The following CDHR1 variants were observed in gnomAD, a reference collection of about 807,000 sequenced individuals.
CDHR1 encodes cadherin-related family member 1.
CDHR1 carries 61 observed loss-of-function variants against 72.1 expected under a neutral mutation model. That is an observed-to-expected ratio of 0.85 (90% CI 0.69 to 1.05). The LOEUF is 1.05. Among genes scored for constraint, CDHR1 ranks in the 50% least tolerant of loss-of-function variants. CDHR1 has a pLI of 0.00. For synonymous variants in CDHR1, 470 were observed against 448.1 expected (o/e 1.05, Z -0.62); for missense variants, 1,186 against 1,115.7 (o/e 1.06, Z -0.90).
downstream of CDHR1, chr10:84,219,506 A>G (rs546657868): frequency 1.0e-4 from 57 of 545,574 alleles, 1 homozygote; most frequent in South Asian, 2.7e-3. Context: ...TCTCACCTTC[A>G]TGGTAGCCCA....
rs747388076 is a variant in CDHR1, at chr10:84,203,104, T to A, written c.764T>A (p.Val255Glu). 15 of 1,614,104 alleles carry A rather than the reference T, an allele frequency of 9.3e-6. No homozygotes were observed. Among genetic ancestry groups the A allele is most frequent in the Middle Eastern group, 1.6e-4 (1 of 6,084 alleles). The change falls in exon 8 of 17, where the codon GTG (valine) becomes GAG (glutamate). Residue 255 changes from valine to glutamate, a missense_variant. Coordinates refer to ENST00000623527, the MANE Select transcript of CDHR1 (RefSeq NM_033100.4). ...VFVGTPYYGY[V>E]YEDTLPGSEV... is the part of the protein sequence containing the mutation. ...GTGGGCACACCCTACTATGGCTATGTGTACGAGGACACCCTTCCGGTGGGT... is the reference window on the plus strand; with the variant it reads ...GTGGGCACACCCTACTATGGCTATGAGTACGAGGACACCCTTCCGGTGGGT...
Position 84,213,084 on chromosome 10 carries a change from C to G in CDHR1, c.1783-7C>G, listed in dbSNP as rs143468750. On this transcript the variant is annotated splice_region_variant and splice_polypyrimidine_tract_variant and intron_variant, in intron 15 of 16. Coordinates refer to ENST00000623527, the MANE Select transcript of CDHR1 (RefSeq NM_033100.4). ...GCCCAGCTCTGTCTGTCTCTCCCTGCGCACAGGCCATAGACGAGGATGCAG... is the reference window on the plus strand; with the variant it reads ...GCCCAGCTCTGTCTGTCTCTCCCTGGGCACAGGCCATAGACGAGGATGCAG... 2 of 1,614,194 alleles carry G rather than the reference C, an allele frequency of 1.2e-6. No homozygotes were observed. Among genetic ancestry groups the G allele is most frequent in the Non-Finnish European group, 1.7e-6 (2 of 1,180,022 alleles).
At chr10:84,206,391 G>T (rs12217226) in intron 10 of CDHR1, among the ~76,000 whole-genome samples, 1 of 152,168 alleles carries the variant, frequency 6.6e-6, no homozygotes, top group African/African-American at 2.4e-5. Context: ...TGGATCTGTC[G>T]CTAGAGCCGG....
intron 11 of CDHR1, 120 bp from the exon 12 acceptor site, chr10:84,208,609 T>C (rs1842272867): frequency 8.6e-7 from 1 of 1,157,316 alleles, no homozygotes; most frequent in Non-Finnish European, 1.3e-6. Flanking sequence ...AAAAGTCAGA[T>C]GCAGAAACTC....
Position 84,211,725 on chromosome 10 carries a change from T to A in CDHR1, c.1553+10T>A, listed in dbSNP as rs1296655329. The A allele has an allele frequency of 6.2e-7, 1 of 1,611,020 alleles. No individual in the cohort carries two copies. The highest frequency in any genetic ancestry group is 1.1e-5 in the South Asian group (1 of 91,012). On this transcript the variant is annotated intron_variant, in intron 14 of 16. Coordinates refer to ENST00000623527, the MANE Select transcript of CDHR1 (RefSeq NM_033100.4). Reference sequence around the variant, plus strand: ...GGACTGGGGCAGACCTGTAAGTAGATCCAGAATCCAGGACAGGGCCTTGGG... The same window carrying A: ...GGACTGGGGCAGACCTGTAAGTAGAACCAGAATCCAGGACAGGGCCTTGGG...
rs1276767526 is a variant in CDHR1 at position 84,216,658 on chromosome 10, G to A, written c.*2037G>A. ...TGGATCCATTCTTCGACCCCCAGATGTGACTCTAAAGAAGGCTGAAAATTT... is the reference window on the plus strand; with the variant it reads ...TGGATCCATTCTTCGACCCCCAGATATGACTCTAAAGAAGGCTGAAAATTT... On this transcript the variant is annotated 3_prime_UTR_variant, in exon 17 of 17. Coordinates refer to ENST00000623527, the MANE Select transcript of CDHR1 (RefSeq NM_033100.4). 1 of 985,372 alleles carries A rather than the reference G, an allele frequency of 1.0e-6. No individual in the cohort carries two copies. The highest frequency in any genetic ancestry group is 1.1e-4 in the East Asian group (1 of 8,830). 61.0% of individuals were successfully genotyped at this position (985,372 alleles called of 1,614,324 possible).
At chr10:84,200,830 G>A (rs1347576063) in intron 6 of CDHR1, 143 bp downstream of exon 6, 12 of 677,410 alleles carry the variant, frequency 1.8e-5, no homozygotes, top group Non-Finnish European at 2.7e-5. Context: ...GGGCAGGAGG[G>A]GATGTGAGAG....
chr10:84,203,199 C>A (rs113035385), intron 8 of CDHR1, 76 bp downstream of exon 8: 1 of 1,584,282 alleles, frequency 6.3e-7, no homozygotes, highest in Non-Finnish European at 8.7e-7. Flanking sequence ...TAGGGACCCC[C>A]TGCTGGAGAT....
chr10:84,209,864 A>T (rs1589304932), intron 12 of CDHR1, among the ~76,000 whole-genome samples: 2 of 152,264 alleles, frequency 1.3e-5, no homozygotes, highest in South Asian at 4.1e-4. Flanking sequence ...TTTCACAAAG[A>T]GACATAAAGA....
intron 12 of CDHR1, among the ~76,000 whole-genome samples, chr10:84,210,574 T>C (rs1297797043): frequency 6.6e-6 from 1 of 152,172 alleles, no homozygotes. Flanking sequence ...ACCTATTTTT[T>C]TGTTTGTTTT....
intron 7 of CDHR1, 65 bp from the exon 8 acceptor site, chr10:84,202,915 G>T: frequency 6.2e-7 from 1 of 1,604,080 alleles, no homozygotes; most frequent in East Asian, 2.2e-5. Context: ...AGGTTTTCAC[G>T]GATTCTGTCC....
chr10:84,195,744 G>A (rs568738581), intron 2 of CDHR1, among the ~76,000 whole-genome samples, 155 bp downstream of exon 2: 2 of 152,320 alleles, frequency 1.3e-5, no homozygotes, highest in South Asian at 4.1e-4. Context: ...CAGGAAAGAA[G>A]GTCATTGCTG....
In CDHR1 at chr10:84,201,849, C is replaced by G. The variant is rs981284030; in HGVS notation, c.568C>G (p.Leu190Val). Reference sequence around the variant, plus strand: ...TGCCGTGGACCGCCACAGCGGTGTGCTGCGCCTCCAGGCTGGGGCCACTCT... The same window carrying G: ...TGCCGTGGACCGCCACAGCGGTGTGGTGCGCCTCCAGGCTGGGGCCACTCT... ...PFAVDRHSGV[L>V]RLQAGATLDY... Residue 190 changes from leucine (L) to valine (V), a missense_variant, in exon 7 of 17, where the codon CTG (leucine) becomes GTG (valine). Physicochemically the swap from Leu to Val is conservative, Grantham distance 32. Coordinates refer to ENST00000623527, the MANE Select transcript of CDHR1 (RefSeq NM_033100.4). 4 of 1,609,986 alleles carry G rather than the reference C, an allele frequency of 2.5e-6. No individual in the cohort carries two copies. The African/African-American group carries it at 5.3e-5, about 21-fold the overall frequency.
Position 84,213,232 on chromosome 10 carries a change from C to T in CDHR1, c.1924C>T (p.His642Tyr). The change falls in exon 16 of 17, where the codon CAC (histidine) becomes TAC (tyrosine). Residue 642 changes from histidine to tyrosine, a missense_variant. By Grantham distance (83) the His-to-Tyr change is moderately conservative. Coordinates refer to ENST00000623527, the MANE Select transcript of CDHR1 (RefSeq NM_033100.4). Reference sequence around the variant, plus strand: ...TTCCATCCGCTCCCTGGATGCCCTGCACAACATCACACCTGGAAGGGACTG... The same window carrying T: ...TTCCATCCGCTCCCTGGATGCCCTGTACAACATCACACCTGGAAGGGACTG... ...KNSIRSLDAL[H>Y]NITPGRDCLW... 1 of 1,614,244 alleles carries T rather than the reference C, an allele frequency of 6.2e-7. No homozygotes were observed. The highest frequency in any genetic ancestry group is 1.1e-5 in the South Asian group (1 of 91,086).
At chr10:84,196,699 C>G in intron 3 of CDHR1, 49 bp downstream of exon 3, 1 of 1,609,434 alleles carries the variant, frequency 6.2e-7, no homozygotes, top group Non-Finnish European at 8.5e-7. Context: ...TGTAGACAGA[C>G]CTCGGTGGGC....
At chr10:84,219,462 T>A (rs1842476238), downstream of CDHR1, 2 of 976,386 alleles carry the variant, frequency 2.0e-6, no homozygotes, top group East Asian at 5.5e-5. Flanking sequence ...ACCACCAAGC[T>A]TCTTTTGCTT....
At position 84,197,815 on chromosome 10, in the gene CDHR1, C is replaced by T. The variant is rs1243774917; in HGVS notation, c.327C>T (p.Ser109=). The change falls in exon 4 of 17, where the codon AGC becomes AGT. Residue 109 remains serine (S), a synonymous_variant. Transcript: ENST00000623527. ...AAGATGAGATTGAAGCCATCATCAG[C>T]ATTTCTGATGGCCTGAATCTGGTGA... ...EREDEIEAII[S]ISDGLNLVAE... is the part of the protein sequence containing the mutation. The T allele has an allele frequency of 6.2e-7, 1 of 1,613,964 alleles. No individual in the cohort carries two copies. The highest frequency in any genetic ancestry group is 1.1e-5 in the South Asian group (1 of 91,070).
At position 84,209,010 on chromosome 10, in the gene CDHR1, G is replaced by A. The variant is rs1445376303; in HGVS notation, c.1320+129G>A. ...CCTGGCCCTACTCTTTTCTTCTCCA[G>A]CCCTCTGCCCCTCCTGCAGATTGCT... On this transcript the variant is annotated intron_variant, in intron 12 of 16. Transcript: ENST00000623527. The A allele has an allele frequency of 7.8e-6, 8 of 1,029,910 alleles. No individual in the cohort carries two copies. The East Asian group carries it at 1.8e-4, about 23-fold the overall frequency. The allele number at this position is 1,029,910 out of a possible 1,614,324, so 63.8% of individuals were successfully genotyped here.
At chr10:84,204,498 C>G in intron 8 of CDHR1, 29 bp from the exon 9 acceptor site, 1 of 1,529,190 alleles carries the variant, frequency 6.5e-7, no homozygotes, top group Non-Finnish European at 9.1e-7. Context: ...TATTGCCCAT[C>G]AGGCAGCGGC....
Sources: gnomAD v4.1 joint callset for allele counts (sites outside exome capture counted in the v4.1 genomes callset) on GRCh38, gnomAD v4.1.1 for gene constraint, MANE v1.5 for transcripts, NCBI Gene and HGNC (gene_info 2026-07-23, HGNC 2026-07-21) for gene names.